Variants in SNX25 observed in about 807,000 individuals in gnomAD.
The protein encoded by SNX25 is sorting nexin 25.
A neutral mutation model predicts 113.7 loss-of-function variants in SNX25; 62 were observed. That is an observed-to-expected ratio of 0.55 (90% CI 0.44 to 0.67). The LOEUF (loss-of-function observed/expected upper bound fraction) is 0.67. Among genes scored for constraint, SNX25 ranks in the 30% least tolerant of loss-of-function variants. The pLI is 0.00. For synonymous variants in SNX25, 421 were observed against 436.2 expected (o/e 0.97, Z 0.43); for missense variants, 1,014 against 1,161.0 (o/e 0.87, Z 1.84).
chr4:185,319,341 G>T lies in SNX25; in HGVS notation c.1345-1392G>T, dbSNP rs979886359. On this transcript the variant is annotated intron_variant, in intron 7 of 18. Transcript: ENST00000652585. ...GCCTCCCAAGTAGCTGGGATTACAG[G>T]CATGCACCACCACGCCCAGCTAATT... Among the ~76,000 whole-genome samples the T allele has an allele frequency of 3.4e-5, 5 of 149,142 alleles. No homozygotes were observed. In the East Asian group the frequency reaches 9.8e-4, roughly 29 times the overall value.
In SNX25 at chr4:185,209,719, C is replaced by A. The variant is rs1428409296; in HGVS notation, c.-108C>A. On this transcript the variant is annotated 5_prime_UTR_variant, in exon 1 of 19. Transcript: ENST00000652585. This position sits in a 1 kb window ranked among gnomAD's most constrained non-coding sequence, Gnocchi z 5.2. ...GCGGCGTCTGCGGGGGCCGCTCCCTCGGTGGGCCGCGGGCGAGGCATGAGC... is the reference window on the plus strand; with the variant it reads ...GCGGCGTCTGCGGGGGCCGCTCCCTAGGTGGGCCGCGGGCGAGGCATGAGC... The A allele has an allele frequency of 7.5e-5, 74 of 983,814 alleles. No individual in the cohort carries two copies. Among genetic ancestry groups the A allele is most frequent in the Non-Finnish European group, 8.7e-5 (72 of 829,194 alleles). The allele number at this position is 983,814 out of a possible 1,614,324, so 60.9% of individuals were successfully genotyped here.
At chr4:185,253,450 ACTTTTTTTTCTTTT>A (rs1377895248) in intron 2 of SNX25, among the ~76,000 whole-genome samples, 1 of 124,570 alleles carries the variant, frequency 8.0e-6, no homozygotes, top group East Asian at 3.1e-4. Context: ...TACATTTCAG[ACTTTTTTTTCTTTT>A]CTTTTCTTCT....
chr4:185,312,177 A>G (rs1310041947), intron 7 of SNX25, among the ~76,000 whole-genome samples: 2 of 152,098 alleles, frequency 1.3e-5, no homozygotes, highest in South Asian at 2.1e-4. Context: ...CATTCATTCA[A>G]CAGACATTTA....
intron 13 of SNX25, among the ~76,000 whole-genome samples, chr4:185,347,135 C>T (rs773299305): frequency 2.0e-5 from 3 of 152,316 alleles, no homozygotes; most frequent in South Asian, 2.1e-4. Context: ...AGGTTTTCAT[C>T]GTGTGAATAC....
In SNX25 at chr4:185,210,222, G is replaced by A; in HGVS notation, c.396G>A (p.Leu132=). The A allele has an allele frequency of 1.0e-6, 1 of 984,872 alleles. No homozygotes were observed. Among genetic ancestry groups the A allele is most frequent in the Non-Finnish European group, 1.2e-6 (1 of 830,010 alleles). The allele number at this position is 984,872 out of a possible 1,614,324, so 61.0% of individuals were successfully genotyped here. A position where few individuals can be genotyped will look rare whatever the true frequency, so the allele number is the denominator to read the frequency against. ...PPDFAAAWSR[L]AATSAARRPP... ...ACTTCGCCGCCGCCTGGAGCCGGCTGGCCGCGACCTCAGCCGCCCGCCGCC... is the reference window on the plus strand; with the variant it reads ...ACTTCGCCGCCGCCTGGAGCCGGCTAGCCGCGACCTCAGCCGCCCGCCGCC... Residue 132 remains leucine (L), a synonymous_variant, in exon 1 of 19, where the codon CTG becomes CTA. Transcript: ENST00000652585. This position sits in a 1 kb window ranked among gnomAD's most constrained non-coding sequence, Gnocchi z 4.4.
chr4:185,281,931 G>A (rs1348292329), intron 5 of SNX25, among the ~76,000 whole-genome samples: 3 of 152,036 alleles, frequency 2.0e-5, no homozygotes, highest in African/African-American at 4.8e-5. Flanking sequence ...CATGAGAATC[G>A]CTTGAACCTG....
Position 185,334,222 on chromosome 4 carries a change from CA to C in SNX25, c.1914+1464del, listed in dbSNP as rs1193199632. On this transcript the variant is annotated intron_variant, in intron 10 of 18. Transcript: ENST00000652585. The surrounding 1 kb of genome is among the most constrained non-coding windows in gnomAD (Gnocchi z 4.2). The stretch of plus-strand genomic sequence containing the variant: ...GGCATGGTGGCATGCATGGTAATCC[CA>C]GCTACTCAGGAGGGTGAGGCAGGAG... Among the ~76,000 whole-genome samples the C allele has an allele frequency of 5.9e-5, 9 of 152,052 alleles. No individual in the cohort carries two copies. Among genetic ancestry groups the C allele is most frequent in the African/African-American group, 2.2e-4 (9 of 41,382 alleles).
intron 1 of SNX25, among the ~76,000 whole-genome samples, chr4:185,240,254 C>G (rs2126454296): frequency 6.6e-6 from 1 of 152,330 alleles, no homozygotes; most frequent in South Asian, 2.1e-4. Flanking sequence ...CCATTGTCAT[C>G]ATGGCCCGTT....
chr4:185,256,850 C>G (rs556576976), intron 2 of SNX25, among the ~76,000 whole-genome samples: 1 of 151,900 alleles, frequency 6.6e-6, no homozygotes. Flanking sequence ...TCTCAAGCTC[C>G]TGGGCTCAAG....
intron 6 of SNX25, among the ~76,000 whole-genome samples, chr4:185,294,371 G>C (rs1034409274): frequency 6.6e-6 from 1 of 152,084 alleles, no homozygotes; most frequent in Non-Finnish European, 1.5e-5. Context: ...ATCCGCACAA[G>C]TCATTTTATT....
intron 6 of SNX25, among the ~76,000 whole-genome samples, chr4:185,293,011 A>G (rs973460822): frequency 1.3e-5 from 2 of 152,254 alleles, no homozygotes; most frequent in Admixed American, 6.5e-5. Flanking sequence ...CTTGCAAATC[A>G]TGTATCTGAT....
At chr4:185,218,208 C>G (rs1461207362) in intron 1 of SNX25, among the ~76,000 whole-genome samples, 1 of 152,198 alleles carries the variant, frequency 6.6e-6, no homozygotes, top group Non-Finnish European at 1.5e-5. Flanking sequence ...CCTCAGCCTC[C>G]CAAGTAGCTG....
Position 185,346,539 on chromosome 4 carries a change from C to A in SNX25, c.2190C>A (p.Cys730Ter). 6.3e-7 allele frequency: 1 copy of A among 1,579,916 alleles called. No individual in the cohort carries two copies. The highest frequency in any genetic ancestry group is 8.6e-7 in the Non-Finnish European group (1 of 1,163,330). Residue 730 changes from cysteine (C) to a stop codon, truncating the protein, a stop_gained and splice_region_variant, in exon 13 of 19, where the codon TGC (cysteine) becomes TGA (stop). Transcript: ENST00000652585. LOFTEE classifies it high-confidence loss of function. ...CATTTCATTTTTTCCCCCCACAGTG[C>A]GTCCCTTCTTTAAAAAAAGTCCAGT... Reference protein sequence around the residue: ...FQNLHRKLSECVPSLKKVQLP... With the variant: ...FQNLHRKLSE
At chr4:185,226,705 C>T (rs1315901054) in intron 1 of SNX25, among the ~76,000 whole-genome samples, 1 of 152,226 alleles carries the variant, frequency 6.6e-6, no homozygotes, top group Non-Finnish European at 1.5e-5. Context: ...CCTACCTTGG[C>T]CTCCCAAAGT....
chr4:185,245,298 T>G (rs1744689194), intron 1 of SNX25, among the ~76,000 whole-genome samples: 1 of 151,992 alleles, frequency 6.6e-6, no homozygotes, highest in Non-Finnish European at 1.5e-5. Context: ...ATAGTGGGGT[T>G]TTCATTCTAT....
chr4:185,312,884 A>G (rs2095042383), intron 7 of SNX25, among the ~76,000 whole-genome samples: 1 of 152,176 alleles, frequency 6.6e-6, no homozygotes, highest in Non-Finnish European at 1.5e-5. Flanking sequence ...GCAATAATTC[A>G]TCCTCAGAGT....
chr4:185,286,917 A>G (rs1751422108), intron 5 of SNX25, among the ~76,000 whole-genome samples: 1 of 152,234 alleles, frequency 6.6e-6, no homozygotes, highest in Non-Finnish European at 1.5e-5. Flanking sequence ...TTTTAGTTGA[A>G]AAGCAAAAGA....
chr4:185,362,100 T>C lies in SNX25; in HGVS notation c.2828T>C (p.Ile943Thr). 6.2e-7 allele frequency: 1 copy of C among 1,611,468 alleles called. No individual in the cohort carries two copies. Among genetic ancestry groups the C allele is most frequent in the Non-Finnish European group, 8.5e-7 (1 of 1,178,410 alleles). ...QRAQQKLLENIPDMLQSLVGQ... is the reference protein window; with the variant it reads ...QRAQQKLLENTPDMLQSLVGQ... ...GCACAGCAAAAGCTGCTTGAAAACA[T>C]TCCAGGTGAGGCCTGGGCTATTAGC... The change falls in exon 17 of 19, where the codon ATT becomes ACT. Residue 943 changes from isoleucine (I) to threonine (T), a missense_variant. By Grantham distance (89) the Ile-to-Thr change is moderately conservative. Coordinates refer to ENST00000652585, the MANE Select transcript of SNX25 (RefSeq NM_001378034.2).
At chr4:185,256,140 C>T (rs1579498378) in intron 2 of SNX25, among the ~76,000 whole-genome samples, 1 of 152,142 alleles carries the variant, frequency 6.6e-6, no homozygotes, top group Non-Finnish European at 1.5e-5. Flanking sequence ...TTGATTCCAC[C>T]TTACAGACTA....
Sources: allele counts gnomAD v4.1 joint callset (sites outside exome capture counted in the v4.1 genomes callset), GRCh38; gene constraint gnomAD v4.1.1; non-coding constraint Gnocchi (gnomAD v3.1); transcripts MANE v1.5; gene names NCBI Gene and HGNC (gene_info 2026-07-23, HGNC 2026-07-21).